Variants in TEX15 observed in about 807,000 individuals in gnomAD.
TEX15 encodes the protein testis expressed 15, meiosis and synapsis associated, also known as testis-expressed protein 15.
Under a neutral mutation model 237.3 loss-of-function variants are expected in TEX15, and 171 were observed. That is an observed-to-expected ratio of 0.72 (90% CI 0.64 to 0.82). The LOEUF (loss-of-function observed/expected upper bound fraction) is 0.82, where lower values mean the gene tolerates loss of function less well. TEX15 is among the 40% of genes least tolerant of loss of function. The pLI is 0.00. For missense variants in TEX15, 3,750 were observed against 3,646.5 expected, an observed-to-expected ratio of 1.03 and a Z score of -0.73; for synonymous variants, 1,338 against 1,269.8, an observed-to-expected ratio of 1.05 and a Z score of -1.14.
intron 10 of TEX15, among the ~76,000 whole-genome samples, chr8:30,836,275 C>T (rs2042506): frequency 0.072 from 8,567 of 118,622 alleles, 488 homozygotes; most frequent in Admixed American, 0.26. Context: ...AGTGCAGTGG[C>T]GGATCTCCGC....
At chr8:30,905,612 T>C (rs1244828785) in intron 1 of TEX15, among the ~76,000 whole-genome samples, 1 of 151,814 alleles carries the variant, frequency 6.6e-6, no homozygotes, top group Non-Finnish European at 1.5e-5. Flanking sequence ...CCAGACCACC[T>C]GGTCTGTGGC....
intron 1 of TEX15, among the ~76,000 whole-genome samples, chr8:30,904,637 C>T (rs116026048): frequency 0.022 from 3,312 of 152,162 alleles, 113 homozygotes; most frequent in African/African-American, 0.075. Context: ...AGTTGTTTTC[C>T]GGTTAAAAAC....
intron 9 of TEX15, among the ~76,000 whole-genome samples, chr8:30,838,723 TAC>T (rs1563228837): frequency 7.2e-6 from 1 of 138,064 alleles, no homozygotes; most frequent in East Asian, 2.1e-4. Context: ...CACACATATA[TAC>T]ACACACACAT....
At chr8:30,904,899 T>C (rs1347336480) in intron 1 of TEX15, among the ~76,000 whole-genome samples, 1 of 152,218 alleles carries the variant, frequency 6.6e-6, no homozygotes, top group Admixed American at 6.5e-5. Flanking sequence ...TATCTAATAC[T>C]GTAATGGAGT....
At chr8:30,911,703 C>T (rs10109784) in intron 1 of TEX15, among the ~76,000 whole-genome samples, 3,306 of 152,262 alleles carry the variant, frequency 0.022, 116 homozygotes, top group African/African-American at 0.075. Context: ...TGCCAGCGAC[C>T]TCAGCCTCTC....
chr8:30,890,359 G>A (rs1808771734), intron 2 of TEX15, among the ~76,000 whole-genome samples: 1 of 152,058 alleles, frequency 6.6e-6, no homozygotes. Flanking sequence ...GAATAATCCT[G>A]TTATTATTAG....
At chr8:30,853,118 T>G (rs1807823902) in intron 7 of TEX15, among the ~76,000 whole-genome samples, 1 of 152,172 alleles carries the variant, frequency 6.6e-6, no homozygotes, top group Admixed American at 6.5e-5. Context: ...ATCCTTTGAT[T>G]AAAGCAATAA....
chr8:30,897,203 C>T (rs1243188795), intron 2 of TEX15, among the ~76,000 whole-genome samples: 1 of 152,226 alleles, frequency 6.6e-6, no homozygotes. Context: ...CTAAGCTTTA[C>T]TTTCCTCATT....
chr8:30,849,345 G>GA lies in TEX15; in HGVS notation c.851-30dup, dbSNP rs1363974702. 12 of 1,375,500 alleles carry GA rather than the reference G, an allele frequency of 8.7e-6. No homozygotes were observed. The South Asian group carries it at 1.4e-4, about 16-fold the overall frequency. 85.2% of individuals were successfully genotyped at this position (1,375,500 alleles called of 1,614,324 possible). On this transcript the variant is annotated intron_variant, in intron 7 of 10. Transcript: ENST00000643185. ...TGGAAATAATAAGGAAGACAAATTT[G>GA]AAAAAAAGTGTTTCTATAGACAACT...
chr8:30,892,829 C>T (rs376987125), intron 2 of TEX15, among the ~76,000 whole-genome samples: 2 of 151,978 alleles, frequency 1.3e-5, no homozygotes, highest in African/African-American at 4.8e-5. Flanking sequence ...GTCAGGAGAT[C>T]GAGACCATCC....
intron 4 of TEX15, among the ~76,000 whole-genome samples, chr8:30,874,706 T>C (rs767118628): frequency 7.9e-5 from 12 of 152,112 alleles, no homozygotes; most frequent in South Asian, 2.1e-4. Context: ...TTATCAAGGT[T>C]AAAAAATTGG....
intron 8 of TEX15, 140 bp downstream of exon 8, chr8:30,841,864 A>T (rs1296915344): frequency 1.3e-5 from 7 of 549,380 alleles, no homozygotes; most frequent in Non-Finnish European, 2.2e-5. Flanking sequence ...GTTTAAATCA[A>T]TATTATAGTT....
In TEX15 at chr8:30,880,038, TTTTAC is replaced by T. The variant is rs1053047943; in HGVS notation, c.137-4941_137-4937del. ...TTCATTTTAAGGTTATTATCTTTTA[TTTTAC>T]TTTGAGGTGGAATCTTGCTCTGTCA... On this transcript the variant is annotated intron_variant, in intron 3 of 10. Transcript: ENST00000643185. Among the ~76,000 whole-genome samples, 11 of 152,310 alleles carry T rather than the reference TTTTAC, an allele frequency of 7.2e-5. No homozygotes were observed. In the South Asian group the frequency reaches 8.3e-4, roughly 11 times the overall value.
intron 10 of TEX15, among the ~76,000 whole-genome samples, chr8:30,834,726 A>C (rs1807254123): frequency 6.6e-6 from 1 of 152,206 alleles, no homozygotes; most frequent in Admixed American, 6.5e-5. Flanking sequence ...AAGTGGTGGC[A>C]GATGACGTTG....
chr8:30,849,592 T>A (rs987256857), intron 7 of TEX15, among the ~76,000 whole-genome samples: 4 of 151,786 alleles, frequency 2.6e-5, no homozygotes, highest in Non-Finnish European at 4.4e-5. Flanking sequence ...AGAAAAAAAA[T>A]GACAAATAAT....
Position 30,847,525 on chromosome 8 carries a change from TTCTC to T in TEX15, c.2638_2641del (p.Glu880ThrfsTer19). The stretch of plus-strand genomic sequence containing the variant: ...ATCCTGCTTTTTGTCTCCATATATG[TTCTC>T]TATGTTGTTTTCTACACATGAAGCA... On this transcript the variant is annotated frameshift_variant, in exon 8 of 11. Transcript: ENST00000643185. LOFTEE classifies it high-confidence loss of function. 1 of 1,613,346 alleles carries T rather than the reference TTCTC, an allele frequency of 6.2e-7. No homozygotes were observed. Among genetic ancestry groups the T allele is most frequent in the Non-Finnish European group, 8.5e-7 (1 of 1,179,842 alleles).
chr8:30,892,492 T>A (rs1412541688), intron 2 of TEX15, among the ~76,000 whole-genome samples: 3 of 152,218 alleles, frequency 2.0e-5, no homozygotes, highest in Non-Finnish European at 4.4e-5. Context: ...TAACAATAAA[T>A]CTTGTTTAGG....
At chr8:30,897,357 C>T (rs1808926485) in intron 2 of TEX15, among the ~76,000 whole-genome samples, 1 of 152,208 alleles carries the variant, frequency 6.6e-6, no homozygotes, top group Admixed American at 6.5e-5. Flanking sequence ...AGAAATTGTA[C>T]ACTGTATGCA....
intron 7 of TEX15, among the ~76,000 whole-genome samples, chr8:30,853,038 C>G (rs1807821819): frequency 1.3e-5 from 2 of 152,082 alleles, no homozygotes; most frequent in Non-Finnish European, 2.9e-5. Flanking sequence ...ATGCTGATAG[C>G]CAACACATGT....
Sources: allele counts gnomAD v4.1 joint callset (sites outside exome capture counted in the v4.1 genomes callset), GRCh38; gene constraint gnomAD v4.1.1; transcripts MANE v1.5; gene names NCBI Gene and HGNC (gene_info 2026-07-23, HGNC 2026-07-21).